Variants in NCALD observed in about 807,000 individuals in gnomAD.
NCALD encodes neurocalcin-delta.
Under a neutral mutation model 18.6 loss-of-function variants are expected in NCALD, and 10 were observed. The observed-to-expected ratio is 0.54, with a 90% confidence interval of 0.33 to 0.91. NCALD has a LOEUF of 0.91. NCALD is among the 40% of genes least tolerant of loss of function. NCALD has a pLI of 0.03. For synonymous variants in NCALD, 88 were observed against 87.4 expected, an observed-to-expected ratio of 1.01 and a Z score of -0.04; for missense variants, 184 against 247.6, an observed-to-expected ratio of 0.74 and a Z score of 1.72.
At chr8:101,933,084 T>C (rs756400363) in intron 2 of NCALD, among the ~76,000 whole-genome samples, 3 of 152,206 alleles carry the variant, frequency 2.0e-5, no homozygotes, top group Admixed American at 6.5e-5. Context: ...AGTAGTTTGC[T>C]TGTGTTTCTA....
At chr8:101,702,017 G>T (rs1208347417) in intron 2 of NCALD, among the ~76,000 whole-genome samples, 2 of 152,136 alleles carry the variant, frequency 1.3e-5, no homozygotes, top group African/African-American at 2.4e-5. Context: ...TATTTTTGTA[G>T]TATTCTTCCA....
intron 1 of NCALD, among the ~76,000 whole-genome samples, chr8:102,069,197 C>A (rs1323259917): frequency 2.0e-5 from 3 of 149,382 alleles, no homozygotes; most frequent in African/African-American, 2.4e-5. Context: ...GTTCTCACCA[C>A]AAAAAAAAAA....
At chr8:101,962,671 C>T (rs987676489) in intron 2 of NCALD, among the ~76,000 whole-genome samples, 1 of 152,162 alleles carries the variant, frequency 6.6e-6, no homozygotes, top group African/African-American at 2.4e-5. Flanking sequence ...ATAGGATCCC[C>T]AGGTAATTAA....
At chr8:102,034,123 T>C (rs1822780834) in intron 1 of NCALD, among the ~76,000 whole-genome samples, 1 of 152,138 alleles carries the variant, frequency 6.6e-6, no homozygotes, top group South Asian at 2.1e-4. Flanking sequence ...GATTTGTATA[T>C]AGAACTCACT....
chr8:101,821,353 C>T (rs1586576948), intron 4 of NCALD, among the ~76,000 whole-genome samples: 1 of 152,162 alleles, frequency 6.6e-6, no homozygotes, highest in Non-Finnish European at 1.5e-5. Flanking sequence ...ACTTTATGTA[C>T]ATTAACCAAC....
intron 1 of NCALD, among the ~76,000 whole-genome samples, chr8:101,726,417 A>G (rs1465008130): frequency 1.3e-5 from 2 of 152,128 alleles, no homozygotes; most frequent in Non-Finnish European, 2.9e-5. Context: ...TATCAGCAGA[A>G]AAGGGGCACC....
intron 1 of NCALD, among the ~76,000 whole-genome samples, chr8:101,725,254 C>T (rs868141604): frequency 2.0e-5 from 3 of 152,188 alleles, no homozygotes; most frequent in East Asian, 1.9e-4. Context: ...GAGAGACAAG[C>T]GGCTGAACAT....
chr8:102,123,645 C>G (rs1329552265), intron 1 of NCALD: 1 of 152,468 alleles, frequency 6.6e-6, no homozygotes, highest in Non-Finnish European at 1.5e-5. Context: ...GCAAGGGACA[C>G]GAATCTTTCA....
chr8:102,094,893 A>T (rs1318594450), intron 1 of NCALD, among the ~76,000 whole-genome samples: 1 of 152,194 alleles, frequency 6.6e-6, no homozygotes, highest in Non-Finnish European at 1.5e-5. Context: ...AACCACAAGA[A>T]GCTAGGGAGA....
At chr8:102,068,567 A>C (rs927945287) in intron 1 of NCALD, among the ~76,000 whole-genome samples, 1 of 152,130 alleles carries the variant, frequency 6.6e-6, no homozygotes, top group African/African-American at 2.4e-5. Context: ...CTGGCTACCC[A>C]GTTTAAAGTT....
intron 4 of NCALD, among the ~76,000 whole-genome samples, chr8:101,807,759 G>A (rs1813156856): frequency 6.6e-6 from 1 of 152,104 alleles, no homozygotes; most frequent in African/African-American, 2.4e-5. Context: ...TAGCACCCTT[G>A]CATTGTGCTT....
chr8:102,016,586 G>A (rs1303962459), intron 2 of NCALD, among the ~76,000 whole-genome samples: 5 of 152,160 alleles, frequency 3.3e-5, no homozygotes, highest in Non-Finnish European at 7.3e-5. Context: ...GAGAACTTTG[G>A]AGTCTGTTAC....
chr8:101,869,582 T>G (rs1586663075), intron 4 of NCALD, among the ~76,000 whole-genome samples: 1 of 152,036 alleles, frequency 6.6e-6, no homozygotes, highest in Non-Finnish European at 1.5e-5. Flanking sequence ...TGCATGGGAG[T>G]CCTGCCACAA....
intron 2 of NCALD, among the ~76,000 whole-genome samples, chr8:101,964,048 C>A (rs1819933077): frequency 6.6e-6 from 1 of 152,052 alleles, no homozygotes; most frequent in African/African-American, 2.4e-5. Flanking sequence ...TCTTTAATTT[C>A]CAGTCACTAG....
At chr8:102,055,370 T>C (rs944997408) in intron 1 of NCALD, among the ~76,000 whole-genome samples, 23 of 152,230 alleles carry the variant, frequency 1.5e-4, no homozygotes, top group African/African-American at 5.3e-4. Context: ...AAATGACCTG[T>C]TGTCCTCACA....
chr8:101,857,603 C>CA (rs1349634804), intron 4 of NCALD, among the ~76,000 whole-genome samples: 2 of 152,152 alleles, frequency 1.3e-5, no homozygotes, highest in African/African-American at 4.8e-5. Flanking sequence ...CAGAGATTTG[C>CA]ATGCAGAAGA....
In NCALD at chr8:101,687,259, G is replaced by A. The variant is rs927246632; in HGVS notation, c.*2050C>T. ...AATCAAAGGAAGGAACTAGGACTTCGATTCAGAGCAGGGAAAAGTGGGATG... is the reference window on the plus strand; with the variant it reads ...AATCAAAGGAAGGAACTAGGACTTCAATTCAGAGCAGGGAAAAGTGGGATG... On this transcript the variant is annotated 3_prime_UTR_variant, in exon 4 of 4. Coordinates refer to ENST00000220931, the MANE Select transcript of NCALD (RefSeq NM_032041.3). 1.3e-5 allele frequency: 2 copies of A among 152,696 alleles called. No homozygotes were observed. Among genetic ancestry groups the A allele is most frequent in the African/African-American group, 4.8e-5 (2 of 41,448 alleles). 9.5% of individuals were successfully genotyped at this position (152,696 alleles called of 1,614,324 possible).
intron 3 of NCALD, among the ~76,000 whole-genome samples, chr8:101,902,112 CAT>C (rs1005030141): frequency 1.6e-4 from 24 of 152,270 alleles, no homozygotes; most frequent in Admixed American, 3.9e-4. Context: ...CTTGATAACA[CAT>C]GTTAGGTAGT....
At chr8:101,977,367 A>G (rs779647616) in intron 2 of NCALD, among the ~76,000 whole-genome samples, 1 of 152,212 alleles carries the variant, frequency 6.6e-6, no homozygotes, top group Non-Finnish European at 1.5e-5. Flanking sequence ...CCTCTGCTGA[A>G]AAGTTAAAAG....
Sources: allele counts gnomAD v4.1 joint callset (sites outside exome capture counted in the v4.1 genomes callset), GRCh38; gene constraint gnomAD v4.1.1; transcripts MANE v1.5; gene names NCBI Gene and HGNC (gene_info 2026-07-23, HGNC 2026-07-21).